The following AMPH variants were observed in gnomAD, a reference collection of about 807,000 sequenced individuals.
AMPH encodes amphiphysin (Stiff-Mann syndrome with breast cancer 128kD autoantigen).
AMPH carries 49 observed loss-of-function variants against 99.1 expected under a neutral mutation model. The ratio of observed to expected loss-of-function variants is 0.49; its 90% CI spans 0.39 to 0.63. AMPH has a LOEUF of 0.63. Ranked by LOEUF, AMPH falls within the 20% of genes least tolerant of loss-of-function variation. AMPH has a pLI of 0.00. For synonymous variants in AMPH, 314 were observed against 317.3 expected, an observed-to-expected ratio of 0.99 and a Z score of 0.11; for missense variants, 759 against 863.4, an observed-to-expected ratio of 0.88 and a Z score of 1.52.
At chr7:38,543,992 G>T (rs1207188861) in intron 1 of AMPH, among the ~76,000 whole-genome samples, 1 of 152,160 alleles carries the variant, frequency 6.6e-6, no homozygotes, top group Non-Finnish European at 1.5e-5. Context: ...GAGGAAACTG[G>T]TAAGATTCTA....
intron 1 of AMPH, among the ~76,000 whole-genome samples, chr7:38,581,691 A>G (rs1792471715): frequency 1.3e-5 from 2 of 152,212 alleles, no homozygotes; most frequent in Non-Finnish European, 2.9e-5. Context: ...GCAGTAACTC[A>G]GGCAGGATGT....
intron 3 of AMPH, among the ~76,000 whole-genome samples, chr7:38,494,788 C>T (rs576437931): frequency 6.6e-6 from 1 of 152,280 alleles, no homozygotes; most frequent in South Asian, 2.1e-4. Context: ...GTATCCTACT[C>T]TGAAAACTAC....
At position 38,608,553 on chromosome 7, in the gene AMPH, C is replaced by G. The variant is rs138531831; in HGVS notation, c.69+22730G>C. 9.8e-5 allele frequency among the ~76,000 whole-genome samples: 15 copies of G among 152,306 alleles called. No individual in the cohort carries two copies. The East Asian group carries it at 2.9e-3, about 29-fold the overall frequency. On this transcript the variant is annotated intron_variant, in intron 1 of 20. Transcript: ENST00000356264. The stretch of plus-strand genomic sequence containing the variant: ...ATTATCCTGGTCAGCTCCCTGAAAA[C>G]CCTCAGACTTGAAACGAGAAAGGCT...
intron 11 of AMPH, among the ~76,000 whole-genome samples, chr7:38,454,335 G>A (rs1373093879): frequency 6.6e-6 from 1 of 152,162 alleles, no homozygotes; most frequent in Non-Finnish European, 1.5e-5. Context: ...TACGCATAGT[G>A]TAGTGATTGA....
chr7:38,542,760 A>G (rs957015022), intron 1 of AMPH, among the ~76,000 whole-genome samples: 3 of 152,140 alleles, frequency 2.0e-5, no homozygotes, highest in African/African-American at 7.2e-5. Context: ...GTTGGAGACC[A>G]GCCTGAGCAA....
chr7:38,543,397 GCT>G (rs1356255808), intron 1 of AMPH, among the ~76,000 whole-genome samples: 3 of 152,222 alleles, frequency 2.0e-5, no homozygotes, highest in Non-Finnish European at 4.4e-5. Context: ...AGAAGGGGCT[GCT>G]TGTGATGATG....
At chr7:38,515,926 C>T (rs1449753755) in intron 2 of AMPH, among the ~76,000 whole-genome samples, 1 of 152,068 alleles carries the variant, frequency 6.6e-6, no homozygotes, top group Non-Finnish European at 1.5e-5. Flanking sequence ...GTGCCCCTGC[C>T]CTACAGAGAT....
At chr7:38,450,218 T>C (rs1275201896) in intron 11 of AMPH, among the ~76,000 whole-genome samples, 3 of 152,152 alleles carry the variant, frequency 2.0e-5, no homozygotes, top group African/African-American at 7.2e-5. Context: ...AAAGGGGAAA[T>C]CTTTGATCAG....
At chr7:38,546,846 C>G (rs1562819708) in intron 1 of AMPH, among the ~76,000 whole-genome samples, 3 of 152,196 alleles carry the variant, frequency 2.0e-5, no homozygotes, top group Admixed American at 2.0e-4. Flanking sequence ...CACTTCTATG[C>G]TGCATTCTCT....
intron 17 of AMPH, among the ~76,000 whole-genome samples, chr7:38,397,544 C>T (rs930902623): frequency 6.6e-6 from 1 of 152,130 alleles, no homozygotes. Flanking sequence ...TATAAGTCTT[C>T]AAACTATGAA....
At chr7:38,414,939 C>A (rs1584058748) in intron 17 of AMPH, among the ~76,000 whole-genome samples, 1 of 152,162 alleles carries the variant, frequency 6.6e-6, no homozygotes. Context: ...GCTGGGATTA[C>A]AGGCATGAGC....
At chr7:38,622,706 C>A (rs539898413) in intron 1 of AMPH, among the ~76,000 whole-genome samples, 1 of 152,114 alleles carries the variant, frequency 6.6e-6, no homozygotes, top group African/African-American at 2.4e-5. Flanking sequence ...CTTTGGAACA[C>A]GGGCACTATG....
chr7:38,425,008 T>C (rs1386969763), intron 15 of AMPH, among the ~76,000 whole-genome samples: 1 of 152,210 alleles, frequency 6.6e-6, no homozygotes, highest in African/African-American at 2.4e-5. Flanking sequence ...CAGCTTCGAA[T>C]ATAATACCCA....
At chr7:38,413,744 G>T (rs1488243066) in intron 17 of AMPH, among the ~76,000 whole-genome samples, 2 of 152,136 alleles carry the variant, frequency 1.3e-5, no homozygotes, top group Non-Finnish European at 2.9e-5. Context: ...GCATGCTTCA[G>T]TGTAAGCCCT....
chr7:38,494,540 A>G lies in AMPH; in HGVS notation c.206-13T>C. 6.2e-7 allele frequency: 1 copy of G among 1,608,794 alleles called. No homozygotes were observed. Among genetic ancestry groups the G allele is most frequent in the Non-Finnish European group, 8.5e-7 (1 of 1,175,276 alleles). ...GCCTCCTGCATGCCTAGTGTTGGAG[A>G]GAAACAACTCCCGTTACACAGAAAT... On this transcript the variant is annotated splice_polypyrimidine_tract_variant and intron_variant, in intron 3 of 20. Coordinates refer to ENST00000356264, the MANE Select transcript of AMPH (RefSeq NM_001635.4).
chr7:38,389,662 T>C (rs1784436288), intron 20 of AMPH, 142 bp downstream of exon 20: 3 of 685,876 alleles, frequency 4.4e-6, no homozygotes, highest in African/African-American at 1.8e-5. Flanking sequence ...TAATGATCTA[T>C]GCTGTCACAA....
chr7:38,498,291 T>C (rs1382466689), intron 3 of AMPH, among the ~76,000 whole-genome samples: 1 of 152,180 alleles, frequency 6.6e-6, no homozygotes, highest in East Asian at 1.9e-4. Context: ...TTAGATTAGA[T>C]AACCTAATCC....
chr7:38,493,631 C>G (rs2129021259), intron 4 of AMPH, among the ~76,000 whole-genome samples: 1 of 152,268 alleles, frequency 6.6e-6, no homozygotes, highest in East Asian at 1.9e-4. Flanking sequence ...TGTCTAGGGC[C>G]AAAGCCTTCC....
At chr7:38,513,222 C>A (rs1355878680) in intron 2 of AMPH, among the ~76,000 whole-genome samples, 1 of 152,126 alleles carries the variant, frequency 6.6e-6, no homozygotes, top group East Asian at 1.9e-4. Context: ...TAACTAAGAG[C>A]TCAGTGGCCA....
Sources: allele counts gnomAD v4.1 joint callset (sites outside exome capture counted in the v4.1 genomes callset), GRCh38; gene constraint gnomAD v4.1.1; transcripts MANE v1.5; gene names NCBI Gene and HGNC (gene_info 2026-07-23, HGNC 2026-07-21).